STMN1: variants seen among roughly 807,000 people sequenced by gnomAD.
STMN1 encodes stathmin 1.
In STMN1, 3 loss-of-function variants were observed where a neutral mutation model predicts 19.7. That is an observed-to-expected ratio of 0.15 (90% CI 0.07 to 0.39). STMN1 has a LOEUF of 0.39. Ranked by LOEUF, STMN1 falls within the 10% of genes least tolerant of loss-of-function variation. The pLI, the probability that STMN1 is intolerant of heterozygous loss-of-function variation, is 1.00. For missense variants in STMN1, 99 were observed against 176.0 expected (o/e 0.56, Z 2.48); for synonymous variants, 59 against 58.9 (o/e 1.00, Z -0.01).
intron 4 of STMN1, among the ~76,000 whole-genome samples, chr1:25,891,486 TC>T (rs1458469021): frequency 6.6e-6 from 1 of 152,122 alleles, no homozygotes; most frequent in Admixed American, 6.5e-5. Flanking sequence ...GATGTCCCAG[TC>T]CCCTGGGGGC....
In STMN1 at chr1:25,885,686, T is replaced by C. The variant is rs1211369918; in HGVS notation, c.*37A>G. ...GCCAGACTGTTCATCAGTCTCAAGG[T>C]CATTGCTATCATCAACAGCAAATAT... On this transcript the variant is annotated 3_prime_UTR_variant, in exon 5 of 5. Transcript: ENST00000426559. The C allele has an allele frequency of 3.9e-6, 6 of 1,535,910 alleles. No individual in the cohort carries two copies. In the African/African-American group the frequency reaches 6.9e-5, roughly 18 times the overall value.
chr1:25,903,946 C>G, intron 2 of STMN1, 133 bp from the exon 3 acceptor site: 1 of 935,584 alleles, frequency 1.1e-6, no homozygotes, highest in South Asian at 1.9e-5. Flanking sequence ...TGTTTTTTTT[C>G]CCCTTTTTAT....
intron 3 of STMN1, chr1:25,903,152 A>G (rs990040556): frequency 6.6e-6 from 1 of 152,396 alleles, no homozygotes; most frequent in African/African-American, 2.4e-5. Flanking sequence ...TTTATAATAG[A>G]ATTGTTTAGA....
rs1063719 is a variant in STMN1, at chr1:25,900,574, A to G, written c.*442T>C. ...AAAAGAAGTCACTGCCACCAACAGCACTGTGCAGTTTTATTAACCATTCAA... is the reference window on the plus strand; with the variant it reads ...AAAAGAAGTCACTGCCACCAACAGCGCTGTGCAGTTTTATTAACCATTCAA... On this transcript the variant is annotated 3_prime_UTR_variant, in exon 5 of 5. Transcript: ENST00000455785. The G allele has an allele frequency of 2.0e-6, 2 of 987,256 alleles. No homozygotes were observed. The highest frequency in any genetic ancestry group is 3.5e-5 in the African/African-American group (2 of 57,280). The allele number at this position is 987,256 out of a possible 1,614,324, so 61.2% of individuals were successfully genotyped here. A position where few individuals can be genotyped will look rare whatever the true frequency, so the allele number is the denominator to read the frequency against.
At chr1:25,901,778 G>A in intron 3 of STMN1, 96 bp from the exon 4 acceptor site, 2 of 1,231,588 alleles carry the variant, frequency 1.6e-6, no homozygotes, top group East Asian at 2.5e-5. Context: ...GGGAGGCCAA[G>A]GTGGGTGGAT....
intron 4 of STMN1, among the ~76,000 whole-genome samples, chr1:25,887,012 G>C (rs2048727768): frequency 2.6e-5 from 4 of 152,078 alleles, no homozygotes; most frequent in African/African-American, 9.7e-5. Context: ...GCCCTTTCCT[G>C]TACCAAGGAA....
chr1:25,898,225 G>A (rs980954373), downstream of STMN1, among the ~76,000 whole-genome samples: 20 of 152,236 alleles, frequency 1.3e-4, no homozygotes, highest in African/African-American at 4.6e-4. Context: ...CTCTGTGCAC[G>A]TGGCAATCAC....
chr1:25,885,845 C>T lies in STMN1; in HGVS notation c.403G>A (p.Gly135Arg). The T allele has an allele frequency of 1.9e-6, 3 of 1,550,328 alleles. No individual in the cohort carries two copies. In the South Asian group the frequency reaches 3.6e-5, roughly 19 times the overall value. Reference sequence around the variant, plus strand: ...GCAGAGATCTGTGCTGGGTGGGCCCCAGGCCCGTGAGTCCAGAAGTACATC... The same window carrying T: ...GCAGAGATCTGTGCTGGGTGGGCCCTAGGCCCGTGAGTCCAGAAGTACATC... The change falls in exon 5 of 5, where the codon GGG (glycine) becomes AGG (arginine). Residue 135 changes from glycine to arginine, a missense_variant. Gly to Arg is a moderately radical substitution (Grantham distance 125). Transcript: ENST00000426559.
chr1:25,893,126 A>G (rs1382726334), intron 4 of STMN1, among the ~76,000 whole-genome samples: 3 of 152,200 alleles, frequency 2.0e-5, no homozygotes. Context: ...ATTTTACTAC[A>G]ATTTGTTTAA....
rs554030417 is a variant in STMN1 at position 25,886,111 on chromosome 1, G to A, written c.379-242C>T. On this transcript the variant is annotated intron_variant, in intron 4 of 4. Coordinates refer to the STMN1 transcript ENST00000426559. ...CGAGTAGGAAAGGTCAGGCAGGAAC[G>A]GGGTGTGGGGAGGAGGTTTGATAGG... Among the ~76,000 whole-genome samples the A allele has an allele frequency of 2.0e-3, 300 of 152,260 alleles. 2 individuals carry two copies. The highest frequency in any genetic ancestry group is 6.9e-3 in the African/African-American group (286 of 41,552).
intron 4 of STMN1, among the ~76,000 whole-genome samples, chr1:25,892,014 G>T (rs1297327920): frequency 6.6e-6 from 1 of 152,172 alleles, no homozygotes; most frequent in Non-Finnish European, 1.5e-5. Context: ...GCCAGAACCG[G>T]AATACTATTC....
intron 3 of STMN1, chr1:25,902,840 A>G (rs906859725): frequency 1.3e-5 from 2 of 152,180 alleles, no homozygotes; most frequent in African/African-American, 4.8e-5. Flanking sequence ...GTATACTACA[A>G]ATCACTATGC....
chr1:25,891,353 A>G (rs1281568232), intron 4 of STMN1, among the ~76,000 whole-genome samples: 1 of 151,436 alleles, frequency 6.6e-6, no homozygotes, highest in Non-Finnish European at 1.5e-5. Flanking sequence ...AAAAATTCAG[A>G]TGGATTATGT....
rs557949535 is a variant in STMN1, at chr1:25,900,307, C to T, written c.*709G>A. Reference sequence around the variant, plus strand: ...TTTAATCTGCCTTTTAAAAGGGACACAGAACAAAAAATGGTTGTTTGCAAA... The same window carrying T: ...TTTAATCTGCCTTTTAAAAGGGACATAGAACAAAAAATGGTTGTTTGCAAA... On this transcript the variant is annotated 3_prime_UTR_variant, in exon 5 of 5. Transcript: ENST00000455785. 265 of 985,666 alleles carry T rather than the reference C, an allele frequency of 2.7e-4. No homozygotes were observed. In the South Asian group the frequency reaches 3.8e-3, roughly 14 times the overall value. 61.1% of individuals were successfully genotyped at this position (985,666 alleles called of 1,614,324 possible).
At chr1:25,902,796 T>C (rs1354276127) in intron 3 of STMN1, 2 of 152,256 alleles carry the variant, frequency 1.3e-5, no homozygotes, top group Admixed American at 1.3e-4. Flanking sequence ...GACTCCTTAG[T>C]GTAAGCACTG....
intron 4 of STMN1, chr1:25,887,372 C>T (rs992976227): frequency 1.7e-5 from 5 of 287,642 alleles, no homozygotes; most frequent in African/African-American, 9.1e-5. Flanking sequence ...AAGTCTACCC[C>T]TCAATCCCGA....
At chr1:25,888,961 C>A in intron 4 of STMN1, 1 of 458,614 alleles carries the variant, frequency 2.2e-6, no homozygotes, top group South Asian at 1.7e-5. Flanking sequence ...CTTGACTCCG[C>A]TTCTTGCCAT....
At chr1:25,889,389 G>A (rs1408234077) in intron 4 of STMN1, among the ~76,000 whole-genome samples, 1 of 152,090 alleles carries the variant, frequency 6.6e-6, no homozygotes, top group Non-Finnish European at 1.5e-5. Flanking sequence ...AGCCAGCAAG[G>A]TCTGCCATGA....
At chr1:25,885,663 C>T in exon 5 of STMN1, 1 of 1,483,530 alleles carries the variant, frequency 6.7e-7, no homozygotes, top group South Asian at 1.4e-5. Flanking sequence ...TCCTCTTGGC[C>T]AGACTGTTCA....
Sources: allele counts gnomAD v4.1 joint callset (sites outside exome capture counted in the v4.1 genomes callset), GRCh38; gene constraint gnomAD v4.1.1; transcripts MANE v1.5; gene names NCBI Gene and HGNC (gene_info 2026-07-23, HGNC 2026-07-21).